Variants in ETV5 observed in about 807,000 individuals in gnomAD.
The protein encoded by ETV5 is ETS variant transcription factor 5.
In ETV5, 10 loss-of-function variants were observed where a neutral mutation model predicts 70.0. The observed-to-expected ratio is 0.14, with a 90% CI of 0.09 to 0.24. ETV5 has a LOEUF of 0.24. Among genes scored for constraint, ETV5 ranks in the 10% least tolerant of loss-of-function variants. ETV5 has a pLI of 1.00. For missense variants in ETV5, 453 were observed against 651.2 expected, an observed-to-expected ratio of 0.70 and a Z score of 3.31; for synonymous variants, 216 against 242.2, an observed-to-expected ratio of 0.89 and a Z score of 1.01.
chr3:186,064,898 C>T (rs1713403597), intron 8 of ETV5, among the ~76,000 whole-genome samples: 1 of 152,162 alleles, frequency 6.6e-6, no homozygotes, highest in African/African-American at 2.4e-5. Context: ...ATTTGCTCCC[C>T]TTTACTGCTG....
intron 5 of ETV5, among the ~76,000 whole-genome samples, chr3:186,090,560 G>GA (rs1349351886): frequency 3.9e-5 from 6 of 152,120 alleles, no homozygotes; most frequent in Non-Finnish European, 7.4e-5. Context: ...CGATTCTTGA[G>GA]AAAAAATGGA....
chr3:186,065,500 G>T (rs1713418855), intron 8 of ETV5, among the ~76,000 whole-genome samples: 1 of 152,240 alleles, frequency 6.6e-6, no homozygotes, highest in Admixed American at 6.5e-5. Flanking sequence ...CTCAGAGAAG[G>T]TCGAGCAAAT....
At chr3:186,055,064 T>A (rs574040838) in intron 11 of ETV5, among the ~76,000 whole-genome samples, 2 of 152,314 alleles carry the variant, frequency 1.3e-5, no homozygotes, top group African/African-American at 4.8e-5. Flanking sequence ...ATTAGTTTCT[T>A]TATTAAGTAA....
At chr3:186,068,988 G>A (rs890124123) in intron 7 of ETV5, among the ~76,000 whole-genome samples, 1 of 152,186 alleles carries the variant, frequency 6.6e-6, no homozygotes, top group African/African-American at 2.4e-5. Context: ...TTAATTCAAA[G>A]AATTCTTGAA....
chr3:186,065,861 A>G lies in ETV5; in HGVS notation c.862T>C (p.Ser288Pro). The change falls in exon 8 of 13, where the codon TCA (serine) becomes CCA (proline). Residue 288 changes from serine (S) to proline (P), a missense_variant. By Grantham distance (74) the Ser-to-Pro change is moderately conservative. Around this residue, in one of 4 missense-constraint regions of ETV5, gnomAD observed 307 missense variants for 344.9 expected, o/e 0.89. Transcript: ENST00000306376. ...GGCTCCTGCTTGATTCCCATTGGTGACTGGAACCCGTGTGCTGGGGGCCCT... is the reference window on the plus strand; with the variant it reads ...GGCTCCTGCTTGATTCCCATTGGTGGCTGGAACCCGTGTGCTGGGGGCCCT... Reference protein sequence around the residue: ...MPGPPAHGFQSPMGIKQEPRD... With the variant: ...MPGPPAHGFQPPMGIKQEPRD... 6.2e-7 allele frequency: 1 copy of G among 1,614,106 alleles called. No individual in the cohort carries two copies. The highest frequency in any genetic ancestry group is 1.7e-5 in the Admixed American group (1 of 60,018).
chr3:186,060,129 G>A (rs1380673845), intron 9 of ETV5, among the ~76,000 whole-genome samples: 2 of 152,094 alleles, frequency 1.3e-5, no homozygotes, highest in Non-Finnish European at 2.9e-5. Flanking sequence ...CATTACAAGC[G>A]AACTACTTCA....
At chr3:186,095,751 G>A (rs1714288295) in intron 5 of ETV5, among the ~76,000 whole-genome samples, 1 of 152,224 alleles carries the variant, frequency 6.6e-6, no homozygotes, top group African/African-American at 2.4e-5. Flanking sequence ...ATGAGAAATA[G>A]CCCTAACTAG....
chr3:186,075,514 TAAGG>T (rs1713762390), intron 7 of ETV5, among the ~76,000 whole-genome samples: 1 of 152,230 alleles, frequency 6.6e-6, no homozygotes, highest in Non-Finnish European at 1.5e-5. Flanking sequence ...CTAGCATCCT[TAAGG>T]AATTGGTAGT....
chr3:186,080,395 G>C (rs764297154), intron 6 of ETV5, among the ~76,000 whole-genome samples: 1 of 150,648 alleles, frequency 6.6e-6, no homozygotes, highest in Non-Finnish European at 1.5e-5. Flanking sequence ...GTGTATGCCT[G>C]TGTAGGGTGG....
chr3:186,108,592 G>C, intron 1 of ETV5: 2 of 1,232,114 alleles, frequency 1.6e-6, no homozygotes, highest in Non-Finnish European at 2.1e-6. Flanking sequence ...AAGTCCCCTC[G>C]GGGCTCTCGA....
chr3:186,098,648 T>G (rs965567529), intron 5 of ETV5, among the ~76,000 whole-genome samples: 10 of 152,154 alleles, frequency 6.6e-5, no homozygotes, highest in Non-Finnish European at 1.5e-4. Flanking sequence ...AAAAACTGGC[T>G]TTGCTTCTTA....
At chr3:186,073,289 T>C (rs565285726) in intron 7 of ETV5, among the ~76,000 whole-genome samples, 15 of 152,370 alleles carry the variant, frequency 9.8e-5, no homozygotes, top group Admixed American at 3.3e-4. Context: ...ATAGTTTATG[T>C]AAAATAAAAG....
At chr3:186,106,068 C>T (rs753410875) in intron 1 of ETV5, 126 bp from the exon 2 acceptor site, 20 of 651,346 alleles carry the variant, frequency 3.1e-5, no homozygotes, top group Non-Finnish European at 5.0e-5. Context: ...TTAAAACCTA[C>T]TCAAGGTGCA....
intron 7 of ETV5, among the ~76,000 whole-genome samples, chr3:186,078,533 TAAAA>T (rs539512780): frequency 6.7e-6 from 1 of 148,514 alleles, no homozygotes; most frequent in Non-Finnish European, 1.5e-5. Context: ...GTTGCCAACT[TAAAA>T]AAAAAAGTCT....
intron 7 of ETV5, among the ~76,000 whole-genome samples, chr3:186,068,563 T>A (rs1030442628): frequency 4.6e-5 from 7 of 152,234 alleles, no homozygotes; most frequent in African/African-American, 1.7e-4. Flanking sequence ...AATCCAGATG[T>A]GTGCCAGCTG....
Position 186,046,667 on chromosome 3 carries a change from T to C in ETV5, c.*1972A>G, listed in dbSNP as rs1349141887. 1.0e-5 allele frequency: 2 copies of C among 195,580 alleles called. No individual in the cohort carries two copies. Among genetic ancestry groups the C allele is most frequent in the African/African-American group, 6.2e-5 (2 of 32,046 alleles). 12.1% of individuals were successfully genotyped at this position (195,580 alleles called of 1,614,324 possible). A position where few individuals can be genotyped will look rare whatever the true frequency, so the allele number is the denominator to read the frequency against. ...ATATTGCTAAGACAGCATAAATCCA[T>C]TCAAAAGAAAAAAAAAAAAAATCCA... On this transcript the variant is annotated 3_prime_UTR_variant, in exon 13 of 13. Transcript: ENST00000306376.
chr3:186,107,124 A>T (rs544703823), intron 1 of ETV5, among the ~76,000 whole-genome samples: 1 of 152,356 alleles, frequency 6.6e-6, no homozygotes, highest in South Asian at 2.1e-4. Flanking sequence ...CTTCACAGCC[A>T]GCATCCTCCG....
Position 186,052,669 on chromosome 3 carries a change from A to G in ETV5, c.1210-538T>C, listed in dbSNP as rs1262822479. On this transcript the variant is annotated intron_variant, in intron 11 of 12. Transcript: ENST00000306376. This position sits in a 1 kb window ranked among gnomAD's most constrained non-coding sequence, Gnocchi z 4.5. The stretch of plus-strand genomic sequence containing the variant: ...AATCAGATCATTTCAGCCTGCTGCC[A>G]TCCAATCCCATGCTCCCAGCAGACT... Among the ~76,000 whole-genome samples, 1 of 152,230 alleles carries G rather than the reference A, an allele frequency of 6.6e-6. No individual in the cohort carries two copies. Among genetic ancestry groups the G allele is most frequent in the Non-Finnish European group, 1.5e-5 (1 of 68,042 alleles).
At chr3:186,069,645 CTGCCGCA>C (rs1560048786) in intron 7 of ETV5, among the ~76,000 whole-genome samples, 2 of 152,084 alleles carry the variant, frequency 1.3e-5, no homozygotes, top group Non-Finnish European at 2.9e-5. Context: ...AGTGGTTCTC[CTGCCGCA>C]GCCTCCCAAG....
Sources: allele counts gnomAD v4.1 joint callset (sites outside exome capture counted in the v4.1 genomes callset), GRCh38; gene constraint gnomAD v4.1.1; regional missense constraint gnomAD v4.1.1; non-coding constraint Gnocchi (gnomAD v3.1); transcripts MANE v1.5; gene names NCBI Gene and HGNC (gene_info 2026-07-23, HGNC 2026-07-21).